CAMSAP2: variants seen among roughly 807,000 people sequenced by gnomAD.
The protein encoded by CAMSAP2 is calmodulin-regulated spectrin-associated protein 2.
In CAMSAP2, 26 loss-of-function variants were observed where a neutral mutation model predicts 146.1. The observed-to-expected ratio is 0.18, with a 90% CI of 0.13 to 0.25. The LOEUF is 0.25. Among genes scored for constraint, CAMSAP2 ranks in the 10% least tolerant of loss-of-function variants. The probability of loss-of-function intolerance (pLI) is 1.00; values close to 1 mark genes in which losing one functional copy is unlikely to be tolerated. For missense variants in CAMSAP2, 1,381 were observed against 1,759.3 expected (o/e 0.78, Z 3.85); for synonymous variants, 499 against 596.6 (o/e 0.84, Z 2.38).
rs1666247160 is a variant in CAMSAP2 at position 200,808,756 on chromosome 1, A to T, written c.561+1219A>T. On this transcript the variant is annotated intron_variant, in intron 3 of 16. Coordinates refer to ENST00000358823, the MANE Select transcript of CAMSAP2 (RefSeq NM_203459.4). ...TCCTAACCCACTTGCTTTAAATAAT[A>T]ATTTTTAAAATGTTGAACCTCATTA... is the stretch of plus-strand genomic sequence containing the variant. 2.6e-5 allele frequency among the ~76,000 whole-genome samples: 4 copies of T among 152,346 alleles called. 1 individual carries two copies. The South Asian group carries it at 8.3e-4, about 32-fold the overall frequency.
At chr1:200,843,205 C>T (rs556029149) in intron 7 of CAMSAP2, among the ~76,000 whole-genome samples, 15 of 152,086 alleles carry the variant, frequency 9.9e-5, no homozygotes, top group South Asian at 2.1e-4. Context: ...TAACTGCTAC[C>T]GTTACCTGCA....
intron 4 of CAMSAP2, among the ~76,000 whole-genome samples, chr1:200,820,256 G>T (rs903153164): frequency 1.3e-5 from 2 of 151,946 alleles, no homozygotes; most frequent in Non-Finnish European, 2.9e-5. Context: ...TGGAGATGGG[G>T]TTTCGCCATG....
At chr1:200,828,867 A>C (rs992861510) in intron 4 of CAMSAP2, among the ~76,000 whole-genome samples, 1 of 152,242 alleles carries the variant, frequency 6.6e-6, no homozygotes, top group East Asian at 1.9e-4. Context: ...TAAAAAAAAA[A>C]AACTTATGGG....
At position 200,817,189 on chromosome 1, in the gene CAMSAP2, C is replaced by CACACACACACAT. The variant is rs1437563207; in HGVS notation, c.645+1546_645+1547insCACACACACATA. On this transcript the variant is annotated intron_variant, in intron 4 of 16. Transcript: ENST00000358823. ...ACGTGTGTGTATATACACACACACA[C>CACACACACACAT]ATGTGTGTGTGTATACACACATACA... 2.2e-4 allele frequency among the ~76,000 whole-genome samples: 25 copies of CACACACACACAT among 112,064 alleles called. 2 individuals carry two copies. Among genetic ancestry groups the CACACACACACAT allele is most frequent in the East Asian group, 1.1e-3 (4 of 3,628 alleles). 73.5% of individuals were successfully genotyped at this position (112,064 alleles called of 152,430 possible). A position where few individuals can be genotyped will look rare whatever the true frequency, so the allele number is the denominator to read the frequency against.
chr1:200,740,896 A>G (rs1005378911), intron 1 of CAMSAP2, among the ~76,000 whole-genome samples: 14 of 152,230 alleles, frequency 9.2e-5, no homozygotes, highest in African/African-American at 3.1e-4. Flanking sequence ...GTAACTTTTA[A>G]GAGTAATTTT....
chr1:200,849,514 A>G lies in CAMSAP2; in HGVS notation c.2745A>G (p.Gln915=), dbSNP rs1229233500. 6 of 1,614,070 alleles carry G rather than the reference A, an allele frequency of 3.7e-6. No homozygotes were observed. In the African/African-American group the frequency reaches 4.0e-5, roughly 11 times the overall value. The part of the protein sequence containing the change: ...QEMLMQMREQ[Q]SWVISPPQPS... ...TGTTAATGCAGATGAGAGAGCAACAATCTTGGGTGATTTCACCTCCACAAC... is the reference window on the plus strand; with the variant it reads ...TGTTAATGCAGATGAGAGAGCAACAGTCTTGGGTGATTTCACCTCCACAAC... Residue 915 remains glutamine, a synonymous_variant, in exon 11 of 17, where the codon CAA becomes CAG. Coordinates refer to ENST00000358823, the MANE Select transcript of CAMSAP2 (RefSeq NM_203459.4). The surrounding 1 kb of genome is among the most constrained non-coding windows in gnomAD (Gnocchi z 6.3).
chr1:200,746,024 GTCT>G (rs1441498733), intron 1 of CAMSAP2, among the ~76,000 whole-genome samples: 1 of 152,192 alleles, frequency 6.6e-6, no homozygotes, highest in Non-Finnish European at 1.5e-5. Flanking sequence ...CTTGTGAGAA[GTCT>G]TCTTCCCACG....
chr1:200,841,085 ATTG>A (rs1450709892), intron 6 of CAMSAP2, among the ~76,000 whole-genome samples: 2 of 152,178 alleles, frequency 1.3e-5, no homozygotes, highest in African/African-American at 4.8e-5. Flanking sequence ...AAAAGGTAAC[ATTG>A]TTGACTTATT....
intron 4 of CAMSAP2, among the ~76,000 whole-genome samples, chr1:200,817,217 C>CAT (rs145330521): frequency 0.27 from 21,759 of 79,822 alleles, 2,565 homozygotes; most frequent in East Asian, 0.51. Context: ...CACATACACA[C>CAT]ATATGTGTGT....
chr1:200,836,312 G>A (rs1167475999), intron 6 of CAMSAP2, among the ~76,000 whole-genome samples: 3 of 151,998 alleles, frequency 2.0e-5, no homozygotes, highest in African/African-American at 7.2e-5. Context: ...TTCTGTCCCT[G>A]TGTTTTCGTC....
chr1:200,771,406 G>A (rs1440186144), intron 2 of CAMSAP2, among the ~76,000 whole-genome samples: 2 of 152,038 alleles, frequency 1.3e-5, no homozygotes, highest in Non-Finnish European at 2.9e-5. Flanking sequence ...TCATTATAAT[G>A]TTTAATATAA....
Position 200,836,132 on chromosome 1 carries a change from G to A in CAMSAP2, c.927+3287G>A, listed in dbSNP as rs1404798625. Among the ~76,000 whole-genome samples, 3 of 151,576 alleles carry A rather than the reference G, an allele frequency of 2.0e-5. No individual in the cohort carries two copies. The South Asian group carries it at 6.2e-4, about 32-fold the overall frequency. On this transcript the variant is annotated intron_variant, in intron 6 of 16. Coordinates refer to ENST00000358823, the MANE Select transcript of CAMSAP2 (RefSeq NM_203459.4). ...TTAAACTTTTAGCTTAAGCTCAAGGGTACATATGCAGGTTTGTTACATAGG... is the reference window on the plus strand; with the variant it reads ...TTAAACTTTTAGCTTAAGCTCAAGGATACATATGCAGGTTTGTTACATAGG...
intron 1 of CAMSAP2, 101 bp from the exon 2 acceptor site, chr1:200,760,738 G>A: frequency 1.2e-6 from 1 of 851,092 alleles, no homozygotes; most frequent in Non-Finnish European, 1.7e-6. Context: ...TATTTTTAGA[G>A]GGAATCTTAA....
chr1:200,846,022 T>G (rs1427556369), intron 8 of CAMSAP2, among the ~76,000 whole-genome samples: 1 of 152,236 alleles, frequency 6.6e-6, no homozygotes, highest in Non-Finnish European at 1.5e-5. Flanking sequence ...ATATTGACTT[T>G]GGACTCCCTA....
intron 6 of CAMSAP2, among the ~76,000 whole-genome samples, chr1:200,837,222 G>T (rs1667206978): frequency 6.6e-6 from 1 of 151,910 alleles, no homozygotes; most frequent in African/African-American, 2.4e-5. Flanking sequence ...TTATAGTTTT[G>T]GGTTTATATT....
chr1:200,834,501 A>T (rs1667135868), intron 6 of CAMSAP2, among the ~76,000 whole-genome samples: 1 of 152,192 alleles, frequency 6.6e-6, no homozygotes, highest in African/African-American at 2.4e-5. Flanking sequence ...TATCCTCCAG[A>T]TGTTATTTTA....
At chr1:200,856,962 A>G (rs773675559) in intron 15 of CAMSAP2, among the ~76,000 whole-genome samples, 2 of 152,180 alleles carry the variant, frequency 1.3e-5, no homozygotes, top group African/African-American at 2.4e-5. Flanking sequence ...TGCCTTTTGA[A>G]AAGACTTAAA....
chr1:200,799,316 T>G (rs1298196153), intron 2 of CAMSAP2, among the ~76,000 whole-genome samples: 1 of 152,132 alleles, frequency 6.6e-6, no homozygotes, highest in Non-Finnish European at 1.5e-5. Flanking sequence ...TTTTTTTGGT[T>G]GGTAGACTTT....
intron 6 of CAMSAP2, among the ~76,000 whole-genome samples, chr1:200,841,302 A>C (rs528945202): frequency 3.3e-5 from 5 of 152,304 alleles, no homozygotes; most frequent in Admixed American, 6.5e-5. Context: ...GCTGGAGTGC[A>C]ATGGCATGAT....
Sources: gnomAD v4.1 joint callset for allele counts (sites outside exome capture counted in the v4.1 genomes callset) on GRCh38, gnomAD v4.1.1 for gene constraint, Gnocchi (gnomAD v3.1) non-coding constraint, MANE v1.5 for transcripts, NCBI Gene and HGNC (gene_info 2026-07-23, HGNC 2026-07-21) for gene names.